Variants in MEMO1 observed in about 807,000 individuals in gnomAD.
The protein encoded by MEMO1 is mediator of cell motility 1, also known as protein MEMO1.
A neutral mutation model predicts 45.2 loss-of-function variants in MEMO1; 6 were observed. The observed-to-expected ratio is 0.13, with a 90% CI of 0.07 to 0.26. MEMO1 has a LOEUF of 0.26. MEMO1 is among the 10% of genes least tolerant of loss of function. The probability of loss-of-function intolerance (pLI) is 1.00; values close to 1 mark genes in which losing one functional copy is unlikely to be tolerated. For synonymous variants in MEMO1, 78 were observed against 124.3 expected (o/e 0.63, Z 2.48); for missense variants, 184 against 370.5 (o/e 0.50, Z 4.13).
At chr2:31,868,914 G>A (rs1673264633) in intron 9 of MEMO1, among the ~76,000 whole-genome samples, 1 of 152,154 alleles carries the variant, frequency 6.6e-6, no homozygotes, top group East Asian at 1.9e-4. Flanking sequence ...TATATGCTAG[G>A]ATTTTTACTT....
chr2:31,984,688 C>T (rs1416628868), intron 2 of MEMO1, among the ~76,000 whole-genome samples: 1 of 152,214 alleles, frequency 6.6e-6, no homozygotes, highest in Non-Finnish European at 1.5e-5. Flanking sequence ...CACCTGTAGT[C>T]CCAGCCAGTC....
chr2:31,965,137 G>A (rs530110773), intron 2 of MEMO1, among the ~76,000 whole-genome samples: 1 of 151,800 alleles, frequency 6.6e-6, no homozygotes, highest in South Asian at 2.1e-4. Context: ...CGCTTGAACC[G>A]GAGAGGCAGA....
chr2:31,874,334 A>G (rs1431257343), intron 8 of MEMO1, among the ~76,000 whole-genome samples: 1 of 152,078 alleles, frequency 6.6e-6, no homozygotes, highest in Non-Finnish European at 1.5e-5. Context: ...AATTACCAAA[A>G]ACACTGGTCT....
chr2:31,966,612 C>T (rs891869167), intron 2 of MEMO1, among the ~76,000 whole-genome samples: 5 of 151,582 alleles, frequency 3.3e-5, no homozygotes, highest in Admixed American at 6.6e-5. Context: ...GACCTGTAGT[C>T]CCAGCTACTT....
At chr2:31,980,870 C>G (rs1174451135) in intron 2 of MEMO1, among the ~76,000 whole-genome samples, 1 of 152,180 alleles carries the variant, frequency 6.6e-6, no homozygotes, top group East Asian at 1.9e-4. Context: ...GGCATAATAT[C>G]ACAGGACCCT....
At chr2:32,000,484 C>T (rs1292464776) in intron 2 of MEMO1, among the ~76,000 whole-genome samples, 1 of 152,146 alleles carries the variant, frequency 6.6e-6, no homozygotes, top group African/African-American at 2.4e-5. Context: ...CCCGCCTCGG[C>T]CTCCCAAAGT....
chr2:31,882,143 CTAAATAAATAAA>C (rs547005443), intron 8 of MEMO1, among the ~76,000 whole-genome samples: 2 of 151,336 alleles, frequency 1.3e-5, no homozygotes, highest in Non-Finnish European at 2.9e-5. Context: ...GACCTTCTCT[CTAAATAAATAAA>C]TAAATAAATA....
intron 6 of MEMO1, among the ~76,000 whole-genome samples, chr2:31,895,347 T>G (rs564418070): frequency 5.9e-5 from 9 of 152,306 alleles, no homozygotes; most frequent in Admixed American, 5.2e-4. Flanking sequence ...GGAGTTATTA[T>G]ATATTCAAAG....
At chr2:31,900,739 A>G (rs907651443) in intron 6 of MEMO1, among the ~76,000 whole-genome samples, 1 of 152,234 alleles carries the variant, frequency 6.6e-6, no homozygotes, top group South Asian at 2.1e-4. Context: ...GCAAATTAAC[A>G]GCATAATGAG....
intron 8 of MEMO1, among the ~76,000 whole-genome samples, chr2:31,872,049 T>C (rs1673862785): frequency 2.6e-5 from 1 of 38,206 alleles, no homozygotes; most frequent in East Asian, 8.7e-4. Flanking sequence ...ACACACAAAG[T>C]TAAACCTATA....
chr2:31,930,591 T>C (rs1664029465), intron 4 of MEMO1, among the ~76,000 whole-genome samples: 1 of 152,028 alleles, frequency 6.6e-6, no homozygotes. Context: ...TTATATAAAC[T>C]AACTTTTATT....
At chr2:31,874,975 T>C (rs1468518818) in intron 8 of MEMO1, among the ~76,000 whole-genome samples, 1 of 151,998 alleles carries the variant, frequency 6.6e-6, no homozygotes, top group Non-Finnish European at 1.5e-5. Context: ...GAGCTAACCA[T>C]ACACGGGTCT....
intron 6 of MEMO1, among the ~76,000 whole-genome samples, chr2:31,895,254 T>C (rs1050746857): frequency 1.3e-5 from 2 of 152,132 alleles, no homozygotes; most frequent in South Asian, 2.1e-4. Context: ...CTATGACCCA[T>C]ATTCGGCGGG....
chr2:31,973,753 T>C (rs1372227337), intron 2 of MEMO1, among the ~76,000 whole-genome samples: 1 of 152,136 alleles, frequency 6.6e-6, no homozygotes, highest in Admixed American at 6.5e-5. Context: ...TTATGTAAAA[T>C]ATCCAAAATA....
intron 3 of MEMO1, among the ~76,000 whole-genome samples, chr2:31,933,273 C>T (rs1379157150): frequency 1.5e-5 from 2 of 130,454 alleles, no homozygotes; most frequent in African/African-American, 5.8e-5. Flanking sequence ...GCTATGATCA[C>T]GCCCACACAC....
intron 4 of MEMO1, among the ~76,000 whole-genome samples, chr2:31,930,900 C>T (rs929642520): frequency 1.5e-4 from 22 of 149,802 alleles, no homozygotes; most frequent in African/African-American, 2.9e-4. Context: ...CTCAGGTAAT[C>T]GGCCCGCCTC....
At chr2:32,009,629 G>A (rs1674559358) in intron 2 of MEMO1, among the ~76,000 whole-genome samples, 2 of 152,264 alleles carry the variant, frequency 1.3e-5, no homozygotes, top group East Asian at 3.9e-4. Context: ...CGGGGGCTCG[G>A]GGGCAGACCG....
At chr2:31,975,693 A>G (rs1419100277) in intron 2 of MEMO1, among the ~76,000 whole-genome samples, 2 of 152,210 alleles carry the variant, frequency 1.3e-5, no homozygotes, top group East Asian at 1.9e-4. Flanking sequence ...ATGTCCAAAT[A>G]AGCATTAGTG....
chr2:31,992,732 C>T (rs905254248), intron 2 of MEMO1, among the ~76,000 whole-genome samples: 1 of 151,976 alleles, frequency 6.6e-6, no homozygotes, highest in Non-Finnish European at 1.5e-5. Context: ...TGCAGTGAGC[C>T]GAGATCGTGC....
Sources: gnomAD v4.1 joint callset for allele counts (sites outside exome capture counted in the v4.1 genomes callset) on GRCh38, gnomAD v4.1.1 for gene constraint, MANE v1.5 for transcripts, NCBI Gene and HGNC (gene_info 2026-07-23, HGNC 2026-07-21) for gene names.